Variants in PKHD1 observed in about 807,000 individuals in gnomAD.
PKHD1 encodes the protein fibrocystin.
In PKHD1, 291 loss-of-function variants were observed where a neutral mutation model predicts 412.0. The ratio of observed to expected loss-of-function variants is 0.71; its 90% CI spans 0.64 to 0.78. The LOEUF (loss-of-function observed/expected upper bound fraction) is 0.78. Ranked by LOEUF, PKHD1 falls within the 30% of genes least tolerant of loss-of-function variation. The probability of loss-of-function intolerance (pLI) is 0.00; values close to 1 mark genes in which losing one functional copy is unlikely to be tolerated. For synonymous variants in PKHD1, 1,777 were observed against 1,821.5 expected (o/e 0.98, Z 0.62); for missense variants, 4,825 against 4,950.7 (o/e 0.97, Z 0.76).
chr6:51,971,114 T>C (rs548007257), intron 35 of PKHD1, among the ~76,000 whole-genome samples: 5 of 152,378 alleles, frequency 3.3e-5, no homozygotes, highest in Admixed American at 1.3e-4. Context: ...GTAGTTTTCC[T>C]TGCAGAGATC....
intron 65 of PKHD1, among the ~76,000 whole-genome samples, chr6:51,628,193 C>G (rs1234536309): frequency 6.6e-6 from 1 of 152,008 alleles, no homozygotes. Flanking sequence ...GAACATAGTA[C>G]CAAATAGGCA....
intron 27 of PKHD1, among the ~76,000 whole-genome samples, chr6:52,038,361 T>C (rs1293401616): frequency 7.0e-6 from 1 of 142,910 alleles, no homozygotes; most frequent in African/African-American, 2.6e-5. Flanking sequence ...GGCAACAGAA[T>C]GAGACTCGGT....
chr6:52,048,424 T>C lies in PKHD1; in HGVS notation c.2407+68A>G, dbSNP rs549183398. ...ACCTGTCTGACAACCTCCCAGGATG[T>C]TGTTCCCTTGGGAATGTGAGTGAGA... On this transcript the variant is annotated intron_variant, in intron 23 of 66. Coordinates refer to ENST00000371117, the MANE Select transcript of PKHD1 (RefSeq NM_138694.4). 408 of 1,461,632 alleles carry C rather than the reference T, an allele frequency of 2.8e-4. 1 individual carries two copies. Among genetic ancestry groups the C allele is most frequent in the Admixed American group, 7.5e-4 (45 of 59,850 alleles). The allele number at this position is 1,461,632 out of a possible 1,614,324, so 90.5% of individuals were successfully genotyped here.
rs140662744 is a variant in PKHD1, at chr6:51,948,376, T to C, written c.5908+11494A>G. Among the ~76,000 whole-genome samples the C allele has an allele frequency of 1.9e-3, 296 of 152,312 alleles. 2 individuals are homozygous for C. Among genetic ancestry groups the C allele is most frequent in the African/African-American group, 6.6e-3 (274 of 41,572 alleles). ...GCCTCTGCTCTCCCCCTTGTTCCAATACTCCTTTTTGCTCCCTTGCCTCAC... is the reference window on the plus strand; with the variant it reads ...GCCTCTGCTCTCCCCCTTGTTCCAACACTCCTTTTTGCTCCCTTGCCTCAC... On this transcript the variant is annotated intron_variant, in intron 36 of 66. Transcript: ENST00000371117.
chr6:51,962,716 T>C (rs1278133497), intron 35 of PKHD1, among the ~76,000 whole-genome samples: 1 of 152,110 alleles, frequency 6.6e-6, no homozygotes, highest in Admixed American at 6.6e-5. Context: ...CGGGATGCTC[T>C]TTCCCAAAAG....
chr6:52,009,887 G>A (rs1321059335), intron 35 of PKHD1, among the ~76,000 whole-genome samples: 3 of 152,032 alleles, frequency 2.0e-5, no homozygotes, highest in African/African-American at 7.2e-5. Context: ...ATGGCACAGA[G>A]ATGAACCGAA....
intron 63 of PKHD1, among the ~76,000 whole-genome samples, chr6:51,645,909 T>C (rs562184160): frequency 6.6e-6 from 1 of 152,292 alleles, no homozygotes; most frequent in Non-Finnish European, 1.5e-5. Flanking sequence ...CTGTCTGACA[T>C]AGAAGTTGTG....
rs559280655 is a variant in PKHD1 at position 51,725,451 on chromosome 6, C to G, written c.10156+18934G>C. On this transcript the variant is annotated intron_variant, in intron 60 of 66. Coordinates refer to ENST00000371117, the MANE Select transcript of PKHD1 (RefSeq NM_138694.4). The stretch of plus-strand genomic sequence containing the variant: ...TCCTTCAAAGGGATTTCTCACCATG[C>G]AACCTATTATGTTCATATTTTATTT... Among the ~76,000 whole-genome samples, 25 of 152,152 alleles carry G rather than the reference C, an allele frequency of 1.6e-4. No homozygotes were observed. In the South Asian group the frequency reaches 5.0e-3, roughly 30 times the overall value.
At chr6:52,078,072 A>AGT (rs1811568004) in intron 5 of PKHD1, among the ~76,000 whole-genome samples, 1 of 152,172 alleles carries the variant, frequency 6.6e-6, no homozygotes, top group Non-Finnish European at 1.5e-5. Flanking sequence ...TCTAAGAGCC[A>AGT]CCACTCAGTC....
At chr6:51,682,340 A>G (rs536320021) in intron 60 of PKHD1, 1 of 413,476 alleles carries the variant, frequency 2.4e-6, no homozygotes, top group African/African-American at 2.1e-5. Flanking sequence ...ATACCTGAGC[A>G]TCAGTATTCT....
At chr6:51,636,458 G>A (rs887113415) in intron 64 of PKHD1, among the ~76,000 whole-genome samples, 1 of 151,988 alleles carries the variant, frequency 6.6e-6, no homozygotes, top group Non-Finnish European at 1.5e-5. Context: ...GAGGTAGGAG[G>A]ATTGCTTGAG....
chr6:51,744,667 C>T, intron 59 of PKHD1, 125 bp from the exon 60 acceptor site: 1 of 724,170 alleles, frequency 1.4e-6, no homozygotes, highest in South Asian at 1.6e-5. Flanking sequence ...CAATGTGTTA[C>T]ATAGATATAA....
At chr6:51,702,297 G>A (rs1779543306) in intron 60 of PKHD1, among the ~76,000 whole-genome samples, 1 of 147,444 alleles carries the variant, frequency 6.8e-6, no homozygotes, top group Non-Finnish European at 1.5e-5. Context: ...GGATGGAATT[G>A]GAGACTATTA....
chr6:51,944,307 G>T (rs545562322), intron 36 of PKHD1, among the ~76,000 whole-genome samples: 2 of 146,396 alleles, frequency 1.4e-5, no homozygotes, highest in Non-Finnish European at 3.0e-5. Flanking sequence ...AAACGGCCCC[G>T]CCCCATCTCC....
intron 36 of PKHD1, among the ~76,000 whole-genome samples, chr6:51,943,168 G>A (rs1231172601): frequency 2.6e-5 from 4 of 151,310 alleles, no homozygotes; most frequent in African/African-American, 4.8e-5. Flanking sequence ...CAGGCTCTTC[G>A]TATTCAGTGA....
At chr6:51,861,344 T>G (rs1248157122) in intron 48 of PKHD1, among the ~76,000 whole-genome samples, 4 of 152,224 alleles carry the variant, frequency 2.6e-5, no homozygotes, top group African/African-American at 9.6e-5. Flanking sequence ...ATTAGCTTAC[T>G]TTTCCTGAGG....
At chr6:52,052,609 T>C (rs996165209) in intron 21 of PKHD1, among the ~76,000 whole-genome samples, 8 of 152,182 alleles carry the variant, frequency 5.3e-5, no homozygotes, top group Admixed American at 2.6e-4. Flanking sequence ...TGGTATGACA[T>C]ATTAACTCAT....
At chr6:52,076,404 TC>T (rs1186586765) in intron 5 of PKHD1, 71 bp from the exon 6 acceptor site, 1 of 1,091,042 alleles carries the variant, frequency 9.2e-7, no homozygotes, top group Non-Finnish European at 1.4e-6. Flanking sequence ...CACAAGCCTT[TC>T]CTCAGACAGC....
chr6:51,738,056 G>A (rs1784081747), intron 60 of PKHD1, among the ~76,000 whole-genome samples: 1 of 152,202 alleles, frequency 6.6e-6, no homozygotes, highest in South Asian at 2.1e-4. Flanking sequence ...CCAAATTGCT[G>A]TGTTTCTAAG....
Sources: gnomAD v4.1 joint callset for allele counts (sites outside exome capture counted in the v4.1 genomes callset) on GRCh38, gnomAD v4.1.1 for gene constraint, MANE v1.5 for transcripts, NCBI Gene and HGNC (gene_info 2026-07-23, HGNC 2026-07-21) for gene names.